The following SIPA1L1 variants were observed in gnomAD, a reference collection of about 807,000 sequenced individuals.
The protein encoded by SIPA1L1 is signal induced proliferation associated 1 like 1, also known as signal-induced proliferation-associated 1-like protein 1.
SIPA1L1 carries 26 observed loss-of-function variants against 162.7 expected under a neutral mutation model. The observed-to-expected ratio is 0.16, with a 90% CI of 0.12 to 0.22. SIPA1L1 has a LOEUF of 0.22. SIPA1L1 is among the 10% of genes least tolerant of loss of function. SIPA1L1 has a pLI of 1.00. For synonymous variants in SIPA1L1, 829 were observed against 837.4 expected (o/e 0.99, Z 0.17); for missense variants, 1,874 against 2,241.0 (o/e 0.84, Z 3.31).
At chr14:71,391,093 T>G (rs1289921523) in intron 2 of SIPA1L1, among the ~76,000 whole-genome samples, 4 of 149,130 alleles carry the variant, frequency 2.7e-5, no homozygotes, top group Non-Finnish European at 5.9e-5. Context: ...TTTGTGCCTG[T>G]ATTCAGTATC....
At chr14:71,417,000 G>A (rs548856825) in intron 2 of SIPA1L1, among the ~76,000 whole-genome samples, 58 of 151,884 alleles carry the variant, frequency 3.8e-4, no homozygotes, top group African/African-American at 1.3e-3. Flanking sequence ...ATCCTTCTCC[G>A]TTGGCCTCCT....
chr14:71,585,260 C>G (rs985890596), intron 4 of SIPA1L1, among the ~76,000 whole-genome samples: 2 of 151,720 alleles, frequency 1.3e-5, no homozygotes, highest in African/African-American at 4.8e-5. Context: ...CCATCTCGAA[C>G]CTCATCAGTT....
Position 71,627,219 on chromosome 14 carries a change from C to T in SIPA1L1, c.1818+2983C>T, listed in dbSNP as rs528248999. On this transcript the variant is annotated intron_variant, in intron 7 of 23. Coordinates refer to ENST00000381232, the MANE Select transcript of SIPA1L1 (RefSeq NM_001386936.1). ...TGTTACCCAGGCTGGAGTGCAGTGG[C>T]GCGATCTCGGCTCACTGCAGCCTCT... 1.3e-4 allele frequency among the ~76,000 whole-genome samples: 17 copies of T among 129,134 alleles called. No homozygotes were observed. The East Asian group carries it at 1.9e-3, about 15-fold the overall frequency. 84.7% of individuals were successfully genotyped at this position (129,134 alleles called of 152,430 possible).
chr14:71,723,552 T>C, intron 17 of SIPA1L1, 95 bp from the exon 18 acceptor site: 1 of 1,400,596 alleles, frequency 7.1e-7, no homozygotes, highest in South Asian at 1.2e-5. Context: ...AATTCACTGT[T>C]GTTCAACCCA....
In SIPA1L1 at chr14:71,377,570, G is replaced by A. The variant is rs1040677439; in HGVS notation, c.-465+56389G>A. The stretch of plus-strand genomic sequence containing the variant: ...CAGAGACGCTCCTCACTTCCTACAC[G>A]GGGTGGCGGCCGGGCAGAGGCTGCA... On this transcript the variant is annotated intron_variant, in intron 2 of 23. Coordinates refer to ENST00000381232, the MANE Select transcript of SIPA1L1 (RefSeq NM_001386936.1). The surrounding 1 kb of genome is among the most constrained non-coding windows in gnomAD (Gnocchi z 4.8). 4.6e-5 allele frequency among the ~76,000 whole-genome samples: 7 copies of A among 152,196 alleles called. No individual in the cohort carries two copies. The highest frequency in any genetic ancestry group is 4.1e-4 in the South Asian group (2 of 4,830).
intron 7 of SIPA1L1, among the ~76,000 whole-genome samples, chr14:71,626,373 G>A (rs1279157662): frequency 6.6e-6 from 1 of 152,136 alleles, no homozygotes; most frequent in African/African-American, 2.4e-5. Context: ...AAGAGCACCG[G>A]GGGTTAGCCT....
intron 2 of SIPA1L1, among the ~76,000 whole-genome samples, chr14:71,420,829 G>A (rs962191837): frequency 6.6e-6 from 1 of 152,078 alleles, no homozygotes; most frequent in Admixed American, 6.6e-5. Context: ...AAAAATAGCA[G>A]CAATGTCATC....
intron 2 of SIPA1L1, among the ~76,000 whole-genome samples, chr14:71,493,747 A>G (rs2049486133): frequency 6.6e-6 from 1 of 152,220 alleles, no homozygotes; most frequent in East Asian, 1.9e-4. Flanking sequence ...ATTTTATTCA[A>G]ATGGATTAAG....
intron 10 of SIPA1L1, 109 bp downstream of exon 10, chr14:71,661,576 T>A: frequency 1.7e-6 from 2 of 1,163,530 alleles, no homozygotes; most frequent in Non-Finnish European, 1.2e-6. Context: ...TATTACTATT[T>A]CTTTTTGTCT....
intron 4 of SIPA1L1, among the ~76,000 whole-genome samples, chr14:71,553,413 A>G (rs1389254561): frequency 6.6e-6 from 1 of 152,252 alleles, no homozygotes; most frequent in African/African-American, 2.4e-5. Flanking sequence ...AGACATGTTA[A>G]GTTAAAAACA....
intron 7 of SIPA1L1, among the ~76,000 whole-genome samples, chr14:71,631,289 T>A (rs1237443050): frequency 6.6e-6 from 1 of 152,210 alleles, no homozygotes; most frequent in African/African-American, 2.4e-5. Context: ...GCTTTTTTCA[T>A]TTAGGAATAT....
At chr14:71,701,727 A>G (rs1309090035) in intron 14 of SIPA1L1, among the ~76,000 whole-genome samples, 1 of 152,246 alleles carries the variant, frequency 6.6e-6, no homozygotes, top group Non-Finnish European at 1.5e-5. Context: ...AAACTGGCTC[A>G]CTAAATAGCT....
chr14:71,628,391 A>G (rs1205456455), intron 7 of SIPA1L1, among the ~76,000 whole-genome samples: 3 of 152,234 alleles, frequency 2.0e-5, no homozygotes, highest in East Asian at 1.9e-4. Context: ...CGTTGAAGAA[A>G]TAGGAGCTGT....
chr14:71,630,993 G>A (rs949326336), intron 7 of SIPA1L1, among the ~76,000 whole-genome samples: 4 of 152,060 alleles, frequency 2.6e-5, no homozygotes, highest in Middle Eastern at 3.4e-3. Flanking sequence ...ATTTATACTA[G>A]GCATTTCTCC....
At chr14:71,539,547 T>G (rs991986399) in intron 4 of SIPA1L1, among the ~76,000 whole-genome samples, 1 of 152,248 alleles carries the variant, frequency 6.6e-6, no homozygotes, top group African/African-American at 2.4e-5. Flanking sequence ...AAATTTCTTT[T>G]GGCAGTGACC....
chr14:71,429,158 G>T (rs1482772961), intron 2 of SIPA1L1, among the ~76,000 whole-genome samples: 1 of 152,064 alleles, frequency 6.6e-6, no homozygotes, highest in African/African-American at 2.4e-5. Context: ...CAAGTCACTT[G>T]ATAACATTTT....
intron 15 of SIPA1L1, among the ~76,000 whole-genome samples, chr14:71,704,490 T>G (rs537018297): frequency 6.6e-6 from 1 of 152,332 alleles, no homozygotes; most frequent in Admixed American, 6.5e-5. Context: ...TGCCTCTGCT[T>G]TTGGAAATGG....
At chr14:71,481,739 G>GA (rs1340978044) in intron 2 of SIPA1L1, among the ~76,000 whole-genome samples, 1 of 152,092 alleles carries the variant, frequency 6.6e-6, no homozygotes, top group Non-Finnish European at 1.5e-5. Flanking sequence ...TAGTGAGGGG[G>GA]AAACTAACTG....
intron 2 of SIPA1L1, among the ~76,000 whole-genome samples, chr14:71,444,362 C>T (rs2045175118): frequency 6.6e-6 from 1 of 152,156 alleles, no homozygotes; most frequent in Non-Finnish European, 1.5e-5. Flanking sequence ...TTAGCATTCA[C>T]TCTCAAAAAA....
Sources: allele counts gnomAD v4.1 joint callset (sites outside exome capture counted in the v4.1 genomes callset), GRCh38; gene constraint gnomAD v4.1.1; non-coding constraint Gnocchi (gnomAD v3.1); transcripts MANE v1.5; gene names NCBI Gene and HGNC (gene_info 2026-07-23, HGNC 2026-07-21).